RAPGEF4: variants seen among roughly 807,000 people sequenced by gnomAD.
RAPGEF4 encodes RAP guanine-nucleotide-exchange factor (GEF) 4.
RAPGEF4 carries 66 observed loss-of-function variants against 147.9 expected under a neutral mutation model. The observed-to-expected ratio is 0.45, with a 90% CI of 0.37 to 0.55. RAPGEF4 has a LOEUF of 0.55. Among genes scored for constraint, RAPGEF4 ranks in the 20% least tolerant of loss-of-function variants. RAPGEF4 has a pLI of 0.00. For missense variants in RAPGEF4, 1,071 were observed against 1,257.3 expected (o/e 0.85, Z 2.24); for synonymous variants, 419 against 442.7 (o/e 0.95, Z 0.67).
intron 23 of RAPGEF4, among the ~76,000 whole-genome samples, chr2:173,022,781 C>T (rs1696237394): frequency 6.6e-6 from 1 of 152,170 alleles, no homozygotes; most frequent in East Asian, 1.9e-4. Flanking sequence ...ATAATAGAAT[C>T]AGTAGAGTGC....
Position 173,010,796 on chromosome 2 carries a change from T to G in RAPGEF4, c.1659-3668T>G, listed in dbSNP as rs555943245. Among the ~76,000 whole-genome samples, 116 of 152,318 alleles carry G rather than the reference T, an allele frequency of 7.6e-4. 1 individual carries two copies. The highest frequency in any genetic ancestry group is 1.6e-3 in the Non-Finnish European group (111 of 68,026). ...TATACAAAGTTCTCTCTGTGTTTCTTAAGAACCTGATTCAACAGACATTTC... is the reference window on the plus strand; with the variant it reads ...TATACAAAGTTCTCTCTGTGTTTCTGAAGAACCTGATTCAACAGACATTTC... On this transcript the variant is annotated intron_variant, in intron 17 of 30. Coordinates refer to ENST00000397081, the MANE Select transcript of RAPGEF4 (RefSeq NM_007023.4).
At chr2:172,771,271 G>A (rs757835960) in intron 1 of RAPGEF4, among the ~76,000 whole-genome samples, 16 of 152,002 alleles carry the variant, frequency 1.1e-4, no homozygotes, top group African/African-American at 3.6e-4. Context: ...AAGCCCCCTT[G>A]GGCTTCTTTT....
chr2:172,866,384 G>A (rs1200131131), intron 4 of RAPGEF4, among the ~76,000 whole-genome samples: 2 of 151,964 alleles, frequency 1.3e-5, no homozygotes, highest in African/African-American at 4.8e-5. Flanking sequence ...TTGACATTGT[G>A]GATTCCTTTC....
At chr2:172,764,591 G>T (rs551552801) in intron 1 of RAPGEF4, among the ~76,000 whole-genome samples, 1 of 152,300 alleles carries the variant, frequency 6.6e-6, no homozygotes, top group South Asian at 2.1e-4. Context: ...CAGATCCCCT[G>T]AGATACAGCT....
intron 4 of RAPGEF4, among the ~76,000 whole-genome samples, chr2:172,817,093 A>G (rs540453766): frequency 6.6e-6 from 1 of 152,296 alleles, no homozygotes; most frequent in East Asian, 1.9e-4. Flanking sequence ...TTTATTGTCT[A>G]TTCATTTATT....
chr2:172,795,678 C>T (rs1686290417), intron 2 of RAPGEF4, among the ~76,000 whole-genome samples: 1 of 152,126 alleles, frequency 6.6e-6, no homozygotes, highest in East Asian at 1.9e-4. Flanking sequence ...TTATGCTGCA[C>T]TCACAGAAAA....
At chr2:172,837,284 A>G (rs1167248550) in intron 4 of RAPGEF4, among the ~76,000 whole-genome samples, 1 of 152,140 alleles carries the variant, frequency 6.6e-6, no homozygotes, top group African/African-American at 2.4e-5. Context: ...TCCTAACAAC[A>G]TTGGCCGGTG....
chr2:172,803,909 G>C (rs1687219057), intron 3 of RAPGEF4, among the ~76,000 whole-genome samples: 1 of 152,118 alleles, frequency 6.6e-6, no homozygotes, highest in Non-Finnish European at 1.5e-5. Flanking sequence ...AACATAACAA[G>C]AGCCACCTTT....
chr2:172,917,740 A>C, intron 4 of RAPGEF4, 62 bp from the exon 5 acceptor site: 1 of 1,431,040 alleles, frequency 7.0e-7, no homozygotes, highest in Middle Eastern at 1.7e-4. Context: ...TTAACATGTA[A>C]ATAAATGAAT....
intron 1 of RAPGEF4, among the ~76,000 whole-genome samples, chr2:172,789,944 A>C (rs1404032976): frequency 6.6e-6 from 1 of 152,202 alleles, no homozygotes; most frequent in Non-Finnish European, 1.5e-5. Context: ...ATATCTCTTC[A>C]AGATCCTGAT....
chr2:172,926,716 C>T (rs894076841), intron 6 of RAPGEF4, among the ~76,000 whole-genome samples: 9 of 151,958 alleles, frequency 5.9e-5, no homozygotes, highest in South Asian at 2.1e-4. Context: ...GGACTACAGG[C>T]GCGTGCCACC....
At chr2:172,895,929 C>T (rs1188690174) in intron 4 of RAPGEF4, among the ~76,000 whole-genome samples, 1 of 152,192 alleles carries the variant, frequency 6.6e-6, no homozygotes, top group African/African-American at 2.4e-5. Flanking sequence ...CTTACATTCC[C>T]ATTGCCCTGG....
intron 4 of RAPGEF4, among the ~76,000 whole-genome samples, chr2:172,910,375 A>C (rs1479344801): frequency 1.3e-5 from 2 of 152,238 alleles, no homozygotes; most frequent in Non-Finnish European, 2.9e-5. Flanking sequence ...ATTAACTTCC[A>C]AGGTGATCTT....
chr2:172,897,715 T>C (rs557945037), intron 4 of RAPGEF4, among the ~76,000 whole-genome samples: 3 of 150,994 alleles, frequency 2.0e-5, no homozygotes, highest in Admixed American at 2.0e-4. Context: ...AGGATGCTTT[T>C]GAATGGGAGT....
chr2:172,988,420 T>C, intron 13 of RAPGEF4, 148 bp downstream of exon 13: 1 of 1,385,576 alleles, frequency 7.2e-7, no homozygotes, highest in Non-Finnish European at 9.4e-7. Context: ...AATCATAAGT[T>C]ACCTCAGTTA....
intron 1 of RAPGEF4, among the ~76,000 whole-genome samples, chr2:172,768,009 G>A (rs534413081): frequency 2.0e-5 from 3 of 151,370 alleles, no homozygotes; most frequent in Non-Finnish European, 4.4e-5. Context: ...ACGGGGTTTC[G>A]TCATGTTGGC....
chr2:172,775,175 G>A (rs1256856280), intron 1 of RAPGEF4, among the ~76,000 whole-genome samples: 1 of 152,196 alleles, frequency 6.6e-6, no homozygotes, highest in Non-Finnish European at 1.5e-5. Context: ...GACCATACAT[G>A]ACTATAACAA....
intron 4 of RAPGEF4, among the ~76,000 whole-genome samples, chr2:172,867,632 A>T (rs1694792093): frequency 6.6e-6 from 1 of 152,182 alleles, no homozygotes; most frequent in Admixed American, 6.5e-5. Context: ...TAATTTTTCA[A>T]CACTTCATGA....
intron 6 of RAPGEF4, among the ~76,000 whole-genome samples, chr2:172,925,587 TACACACACACACACAC>T (rs10534191): frequency 6.8e-6 from 1 of 146,990 alleles, no homozygotes; most frequent in South Asian, 2.2e-4. Flanking sequence ...ACTCTGTCTG[TACACACACACACACAC>T]ACACACACAC....
Sources: gnomAD v4.1 joint callset for allele counts (sites outside exome capture counted in the v4.1 genomes callset) on GRCh38, gnomAD v4.1.1 for gene constraint, MANE v1.5 for transcripts, NCBI Gene and HGNC (gene_info 2026-07-23, HGNC 2026-07-21) for gene names.